Variants in SPIDR observed in about 807,000 individuals in gnomAD.
The protein encoded by SPIDR is DNA repair-scaffolding protein.
Under a neutral mutation model 104.6 loss-of-function variants are expected in SPIDR, and 93 were observed. The observed-to-expected ratio is 0.89, with a 90% confidence interval of 0.75 to 1.06. The LOEUF is 1.06. Among genes scored for constraint, SPIDR ranks in the 50% least tolerant of loss-of-function variants. The pLI, the probability that SPIDR is intolerant of heterozygous loss-of-function variation, is 0.00. For synonymous variants in SPIDR, 431 were observed against 416.9 expected, an observed-to-expected ratio of 1.03 and a Z score of -0.41; for missense variants, 1,154 against 1,111.2, an observed-to-expected ratio of 1.04 and a Z score of -0.55.
intron 5 of SPIDR, among the ~76,000 whole-genome samples, chr8:47,382,330 G>A (rs2059411646): frequency 6.6e-6 from 1 of 152,140 alleles, no homozygotes; most frequent in African/African-American, 2.4e-5. Flanking sequence ...GAAATGTGTA[G>A]GTAAGATTAC....
intron 5 of SPIDR, among the ~76,000 whole-genome samples, chr8:47,372,441 A>G (rs2058146721): frequency 6.6e-6 from 1 of 152,118 alleles, no homozygotes. Context: ...CCTGACCAAC[A>G]TGGTGAAACC....
chr8:47,577,821 A>G (rs1306089649), intron 8 of SPIDR, among the ~76,000 whole-genome samples: 4 of 152,168 alleles, frequency 2.6e-5, no homozygotes, highest in Non-Finnish European at 4.4e-5. Context: ...AGGGGGCCCC[A>G]CCCCAGACCT....
chr8:47,410,338 G>A (rs1198609457), intron 7 of SPIDR, among the ~76,000 whole-genome samples: 1 of 151,646 alleles, frequency 6.6e-6, no homozygotes, highest in Non-Finnish European at 1.5e-5. Flanking sequence ...CTGCCATCAC[G>A]CCTGGCTAAT....
chr8:47,352,825 AGGCCGAGTC>A (rs1200151661), intron 5 of SPIDR, among the ~76,000 whole-genome samples: 1 of 152,098 alleles, frequency 6.6e-6, no homozygotes, highest in Non-Finnish European at 1.5e-5. Flanking sequence ...ATGCTTTGGT[AGGCCGAGTC>A]GATGAGGTTG....
intron 5 of SPIDR, among the ~76,000 whole-genome samples, chr8:47,362,916 G>T (rs952450850): frequency 1.3e-5 from 2 of 152,188 alleles, no homozygotes; most frequent in Non-Finnish European, 2.9e-5. Flanking sequence ...GCTTCTCAAA[G>T]TGCTGGGATT....
intron 10 of SPIDR, among the ~76,000 whole-genome samples, chr8:47,617,407 A>G (rs1003568985): frequency 1.3e-5 from 2 of 152,164 alleles, no homozygotes; most frequent in African/African-American, 2.4e-5. Context: ...GTCAACTGTT[A>G]TTCATGTTTG....
chr8:47,298,332 T>A (rs1586548347), intron 5 of SPIDR, among the ~76,000 whole-genome samples: 1 of 152,330 alleles, frequency 6.6e-6, no homozygotes, highest in East Asian at 1.9e-4. Context: ...TTGTTTGAGT[T>A]CATTGTAGAT....
chr8:47,671,387 C>T (rs903300056), intron 10 of SPIDR, among the ~76,000 whole-genome samples: 1 of 152,028 alleles, frequency 6.6e-6, no homozygotes, highest in African/African-American at 2.4e-5. Flanking sequence ...GAATTCGAGA[C>T]CAGCCTGCCC....
chr8:47,310,983 A>G (rs189831813), intron 5 of SPIDR, among the ~76,000 whole-genome samples: 4 of 152,328 alleles, frequency 2.6e-5, no homozygotes, highest in African/African-American at 9.6e-5. Context: ...TACTTAAGTG[A>G]AAAGCCAATT....
chr8:47,377,848 A>G (rs1260485462), intron 5 of SPIDR, among the ~76,000 whole-genome samples: 3 of 152,204 alleles, frequency 2.0e-5, no homozygotes, highest in African/African-American at 7.2e-5. Context: ...GCTCTCCATA[A>G]TAAGAATCTC....
intron 8 of SPIDR, among the ~76,000 whole-genome samples, chr8:47,477,738 T>G (rs967064220): frequency 1.3e-5 from 2 of 152,204 alleles, no homozygotes; most frequent in Admixed American, 1.3e-4. Context: ...ATCCTTTGTT[T>G]CATTCAGTGA....
intron 10 of SPIDR, among the ~76,000 whole-genome samples, chr8:47,619,343 A>G (rs1017275662): frequency 3.0e-4 from 46 of 152,324 alleles, no homozygotes; most frequent in African/African-American, 1.1e-3. Flanking sequence ...TTAAGAGTTC[A>G]ATTGGCCCTT....
At chr8:47,485,094 C>A (rs2077376514) in intron 8 of SPIDR, among the ~76,000 whole-genome samples, 1 of 152,218 alleles carries the variant, frequency 6.6e-6, no homozygotes, top group South Asian at 2.1e-4. Context: ...ATTCCCTTTC[C>A]TAGCCAAGGG....
At position 47,396,578 on chromosome 8, in the gene SPIDR, C is replaced by G. The variant is rs782244112; in HGVS notation, c.728C>G (p.Ala243Gly). The change falls in exon 6 of 20, where the codon GCT becomes GGT. Residue 243 changes from alanine to glycine, a missense_variant. Transcript: ENST00000297423. Reference protein sequence around the residue: ...TILHTPQKPTAKFPRTPENSA... With the variant: ...TILHTPQKPTGKFPRTPENSA... ...TTGCATACACCTCAGAAACCCACAG[C>G]TAAGTTTCCCAGGACTCCAGAAAAT... 1 of 1,614,094 alleles carries G rather than the reference C, an allele frequency of 6.2e-7. No homozygotes were observed. Among genetic ancestry groups the G allele is most frequent in the South Asian group, 1.1e-5 (1 of 91,078 alleles).
chr8:47,687,626 A>G (rs1015742354), intron 11 of SPIDR, among the ~76,000 whole-genome samples: 1 of 152,260 alleles, frequency 6.6e-6, no homozygotes, highest in African/African-American at 2.4e-5. Flanking sequence ...AAGCTCACTC[A>G]TTAAGCCACC....
intron 8 of SPIDR, among the ~76,000 whole-genome samples, chr8:47,475,441 G>A (rs2076172850): frequency 6.6e-6 from 1 of 152,220 alleles, no homozygotes; most frequent in African/African-American, 2.4e-5. Context: ...GAATAGTTGT[G>A]TGTCAGACCA....
chr8:47,374,873 A>G (rs1200914115), intron 5 of SPIDR, among the ~76,000 whole-genome samples: 2 of 152,184 alleles, frequency 1.3e-5, no homozygotes, highest in Non-Finnish European at 2.9e-5. Context: ...CCTGGCCAAC[A>G]TGGTGAAACC....
At chr8:47,293,813 T>G in intron 4 of SPIDR, 54 bp from the exon 5 acceptor site, 1 of 1,513,738 alleles carries the variant, frequency 6.6e-7, no homozygotes, top group Non-Finnish European at 9.0e-7. Context: ...AAAAGAGATA[T>G]AAAAGTGAAA....
chr8:47,372,372 A>G (rs1470394075), intron 5 of SPIDR, among the ~76,000 whole-genome samples: 1 of 152,104 alleles, frequency 6.6e-6, no homozygotes, highest in African/African-American at 2.4e-5. Flanking sequence ...GTCCTTAAGA[A>G]TTTTAACTTT....
Sources: allele counts gnomAD v4.1 joint callset (sites outside exome capture counted in the v4.1 genomes callset), GRCh38; gene constraint gnomAD v4.1.1; transcripts MANE v1.5; gene names NCBI Gene and HGNC (gene_info 2026-07-23, HGNC 2026-07-21).